Variants in NCOA7 observed in about 807,000 individuals in gnomAD.
NCOA7 encodes 140 kDa estrogen receptor-associated protein.
NCOA7 carries 45 observed loss-of-function variants against 104.3 expected under a neutral mutation model. That is an observed-to-expected ratio of 0.43 (90% confidence interval 0.34 to 0.55). The LOEUF (loss-of-function observed/expected upper bound fraction) is 0.55. Ranked by LOEUF, NCOA7 falls within the 20% of genes least tolerant of loss-of-function variation. The pLI, the probability that NCOA7 is intolerant of heterozygous loss-of-function variation, is 0.02. For synonymous variants in NCOA7, 398 were observed against 402.3 expected, an observed-to-expected ratio of 0.99 and a Z score of 0.13; for missense variants, 1,041 against 1,119.7, an observed-to-expected ratio of 0.93 and a Z score of 1.00.
intron 10 of NCOA7, among the ~76,000 whole-genome samples, chr6:125,907,912 T>C (rs141249189): frequency 1.8e-4 from 28 of 152,332 alleles, no homozygotes; most frequent in African/African-American, 6.7e-4. Flanking sequence ...TTCTGCTTAA[T>C]GTTAAGTGTT....
chr6:125,796,624 C>T (rs560099271), intron 1 of NCOA7: 4 of 151,736 alleles, frequency 2.6e-5, no homozygotes, highest in African/African-American at 9.7e-5. Flanking sequence ...ATGTTCAGTA[C>T]ACAACCATCC....
chr6:125,807,385 A>G (rs1161371265), intron 1 of NCOA7, among the ~76,000 whole-genome samples: 1 of 152,202 alleles, frequency 6.6e-6, no homozygotes, highest in Non-Finnish European at 1.5e-5. Context: ...AAAGGGTATG[A>G]CAGACTATTA....
At chr6:125,909,743 G>A (rs1786351904) in intron 10 of NCOA7, among the ~76,000 whole-genome samples, 1 of 152,158 alleles carries the variant, frequency 6.6e-6, no homozygotes, top group Admixed American at 6.5e-5. Context: ...TCGGGAGGCA[G>A]AGGTTGCAGT....
At chr6:125,785,231 G>A (rs1415199685) in intron 1 of NCOA7, among the ~76,000 whole-genome samples, 6 of 152,184 alleles carry the variant, frequency 3.9e-5, no homozygotes, top group Non-Finnish European at 7.4e-5. Flanking sequence ...GCAGCTACTC[G>A]GGAAGCTAAG....
At chr6:125,919,445 C>T (rs374469213) in intron 11 of NCOA7, 30 of 1,611,442 alleles carry the variant, frequency 1.9e-5, no homozygotes, top group Middle Eastern at 1.6e-4. Flanking sequence ...TGTTGGAGTG[C>T]GTCCCGAGGG....
chr6:125,888,952 G>C lies in NCOA7; in HGVS notation c.898G>C (p.Asp300His), dbSNP rs770038637. The stretch of plus-strand genomic sequence containing the variant: ...CTCCCCCAACAGTGACCTACCTCAG[G>C]ATCTTTGTCCTCTGTACAGGCCTGG... ...KDALPSDLPQ[D>H]LCPLYRPGEW... Residue 300 changes from aspartate (D) to histidine (H), a missense_variant, in exon 9 of 16, where the codon GAT becomes CAT. Physicochemically the swap from Asp to His is moderately conservative, Grantham distance 81 (BLOSUM62 -1). Around this residue, in one of 2 missense-constraint regions of NCOA7, gnomAD observed 914 missense variants for 942.7 expected, o/e 0.97. Coordinates refer to ENST00000392477, the MANE Select transcript of NCOA7 (RefSeq NM_181782.5). 1 of 1,599,950 alleles carries C rather than the reference G, an allele frequency of 6.3e-7. No individual in the cohort carries two copies. Among genetic ancestry groups the C allele is most frequent in the Admixed American group, 1.7e-5 (1 of 58,262 alleles).
rs1348259332 is a variant in NCOA7, at chr6:125,865,628, A to G, written c.272-9261A>G. Among the ~76,000 whole-genome samples the G allele has an allele frequency of 2.2e-5, 3 of 136,808 alleles. 1 individual carries two copies. Among genetic ancestry groups the G allele is most frequent in the Non-Finnish European group, 4.6e-5 (3 of 64,642 alleles). 89.8% of individuals were successfully genotyped at this position (136,808 alleles called of 152,430 possible). A position where few individuals can be genotyped will look rare whatever the true frequency, so the allele number is the denominator to read the frequency against. On this transcript the variant is annotated intron_variant, in intron 3 of 15. Coordinates refer to ENST00000392477, the MANE Select transcript of NCOA7 (RefSeq NM_181782.5). ...ATAATTTGAGATGTGTGCATCGCCA[A>G]TAGAGAAGGTGTTATTTCTTTTTAA...
At chr6:125,876,170 C>A (rs1246305106) in intron 4 of NCOA7, among the ~76,000 whole-genome samples, 1 of 152,146 alleles carries the variant, frequency 6.6e-6, no homozygotes, top group African/African-American at 2.4e-5. Flanking sequence ...ATAAGACAGG[C>A]AGCAAGATCT....
At chr6:125,820,019 C>T (rs1040290636) in intron 2 of NCOA7, among the ~76,000 whole-genome samples, 16 of 152,142 alleles carry the variant, frequency 1.1e-4, no homozygotes, top group African/African-American at 2.9e-4. Flanking sequence ...GTAATATAGA[C>T]GAAGACACAG....
Position 125,928,258 on chromosome 6 carries a change from T to A in NCOA7, c.2693+11T>A. 1 of 1,597,094 alleles carries A rather than the reference T, an allele frequency of 6.3e-7. No individual in the cohort carries two copies. The highest frequency in any genetic ancestry group is 8.5e-7 in the Non-Finnish European group (1 of 1,174,960). ...ACTTGGTGGTGGAGGGTAAGGTTTT[T>A]TTTGTTTTTGTTTTCTTATTGTTAT... On this transcript the variant is annotated intron_variant, in intron 15 of 15. Coordinates refer to ENST00000392477, the MANE Select transcript of NCOA7 (RefSeq NM_181782.5).
chr6:125,922,568 A>T, intron 12 of NCOA7, 114 bp from the exon 13 acceptor site: 1 of 1,188,650 alleles, frequency 8.4e-7, no homozygotes, highest in Non-Finnish European at 1.2e-6. Flanking sequence ...AAGGAGGGGC[A>T]CTATGTGAGT....
intron 10 of NCOA7, among the ~76,000 whole-genome samples, chr6:125,908,879 T>A (rs564054759): frequency 1.3e-5 from 2 of 152,378 alleles, no homozygotes; most frequent in Admixed American, 1.3e-4. Flanking sequence ...TTTCACACTT[T>A]ACGTTTTCTT....
At chr6:125,843,157 A>G (rs958590288) in intron 2 of NCOA7, among the ~76,000 whole-genome samples, 1 of 152,152 alleles carries the variant, frequency 6.6e-6, no homozygotes, top group African/African-American at 2.4e-5. Flanking sequence ...ATTAACTTGG[A>G]TTGTCTGAAT....
At position 125,930,924 on chromosome 6, in the gene NCOA7, A is replaced by G. The variant is rs1788430882; in HGVS notation, c.*2153A>G. ...GAAAAAAACAAAATGGTCATTTTGC[A>G]TATACTTCACTCTGACCTAGTTTAG... is the stretch of plus-strand genomic sequence containing the variant. On this transcript the variant is annotated 3_prime_UTR_variant, in exon 16 of 16. Coordinates refer to ENST00000392477, the MANE Select transcript of NCOA7 (RefSeq NM_181782.5). 6.6e-6 allele frequency: 1 copy of G among 152,664 alleles called. No homozygotes were observed. The highest frequency in any genetic ancestry group is 2.4e-5 in the African/African-American group (1 of 41,462). 9.5% of individuals were successfully genotyped at this position (152,664 alleles called of 1,614,324 possible).
intron 2 of NCOA7, among the ~76,000 whole-genome samples, chr6:125,818,369 T>C (rs1411527064): frequency 6.6e-6 from 1 of 152,194 alleles, no homozygotes; most frequent in Non-Finnish European, 1.5e-5. Context: ...AAAATTGTCT[T>C]GCTTATCATG....
intron 10 of NCOA7, among the ~76,000 whole-genome samples, chr6:125,894,399 A>G (rs1784846835): frequency 6.6e-6 from 1 of 152,148 alleles, no homozygotes; most frequent in East Asian, 1.9e-4. Flanking sequence ...TAATTTAGAG[A>G]TTTCACTACT....
intron 1 of NCOA7, among the ~76,000 whole-genome samples, chr6:125,814,304 A>AC (rs1359319998): frequency 1.3e-5 from 2 of 152,038 alleles, no homozygotes; most frequent in Non-Finnish European, 2.9e-5. Flanking sequence ...GCAGGCGTGC[A>AC]CCACCATGCC....
At chr6:125,840,090 G>A (rs1186274039) in intron 2 of NCOA7, among the ~76,000 whole-genome samples, 1 of 152,056 alleles carries the variant, frequency 6.6e-6, no homozygotes, top group Non-Finnish European at 1.5e-5. Context: ...CTTCCAGTGG[G>A]ACAGGATGTG....
intron 1 of NCOA7, among the ~76,000 whole-genome samples, chr6:125,809,301 G>C (rs1036903545): frequency 1.3e-5 from 2 of 152,076 alleles, no homozygotes; most frequent in African/African-American, 4.8e-5. Context: ...TCGTGCCTCA[G>C]CTACCTGCGT....
Sources: allele counts gnomAD v4.1 joint callset (sites outside exome capture counted in the v4.1 genomes callset), GRCh38; gene constraint gnomAD v4.1.1; regional missense constraint gnomAD v4.1.1; transcripts MANE v1.5; gene names NCBI Gene and HGNC (gene_info 2026-07-23, HGNC 2026-07-21).